The following SDK1 variants were observed in gnomAD, a reference collection of about 807,000 sequenced individuals.
SDK1 encodes sidekick cell adhesion molecule 1.
SDK1 carries 157 observed loss-of-function variants against 245.5 expected under a neutral mutation model. The ratio of observed to expected loss-of-function variants is 0.64; its 90% CI spans 0.56 to 0.73. SDK1 has a LOEUF of 0.73. Among genes scored for constraint, SDK1 ranks in the 30% least tolerant of loss-of-function variants. The pLI, the probability that SDK1 is intolerant of heterozygous loss-of-function variation, is 0.00. For missense variants in SDK1, 3,583 were observed against 3,002.3 expected, an observed-to-expected ratio of 1.19 and a Z score of -4.52; for synonymous variants, 1,647 against 1,278.5, an observed-to-expected ratio of 1.29 and a Z score of -6.15.
At chr7:3,481,248 GAC>G (rs1233819989) in intron 1 of SDK1, among the ~76,000 whole-genome samples, 1 of 152,172 alleles carries the variant, frequency 6.6e-6, no homozygotes, top group Non-Finnish European at 1.5e-5. Flanking sequence ...AGAAAACTAA[GAC>G]ACAGAGGGTT....
At chr7:3,914,961 T>C (rs1372405181) in intron 5 of SDK1, among the ~76,000 whole-genome samples, 1 of 152,202 alleles carries the variant, frequency 6.6e-6, no homozygotes, top group African/African-American at 2.4e-5. Flanking sequence ...TTGTTGATAG[T>C]ATGGATGCAG....
Position 3,683,875 on chromosome 7 carries a change from A to G in SDK1, c.713+41770A>G, listed in dbSNP as rs140515832. ...AAGAACAGTCCTGTTTCCTCCAGGC[A>G]TAGGGCTGGGCAAATTGTGGCCTAG... is the stretch of plus-strand genomic sequence containing the variant. On this transcript the variant is annotated intron_variant, in intron 4 of 44. Coordinates refer to ENST00000404826, the MANE Select transcript of SDK1 (RefSeq NM_152744.4). Among the ~76,000 whole-genome samples, 72 of 152,342 alleles carry G rather than the reference A, an allele frequency of 4.7e-4. 2 individuals carry two copies. In the East Asian group the frequency reaches 0.013, roughly 27 times the overall value.
chr7:4,202,899 G>T (rs1409181526), intron 35 of SDK1, among the ~76,000 whole-genome samples: 3 of 152,170 alleles, frequency 2.0e-5, no homozygotes, highest in African/African-American at 7.2e-5. Context: ...CTTGGGTCTG[G>T]TGGGACATGG....
In SDK1 at chr7:3,771,287, T is replaced by G. The variant is rs970170929; in HGVS notation, c.714-50163T>G. 3.3e-5 allele frequency among the ~76,000 whole-genome samples: 5 copies of G among 152,048 alleles called. No individual in the cohort carries two copies. In the East Asian group the frequency reaches 9.7e-4, roughly 30 times the overall value. On this transcript the variant is annotated intron_variant, in intron 4 of 44. Coordinates refer to ENST00000404826, the MANE Select transcript of SDK1 (RefSeq NM_152744.4). ...GCCCTCTTGGAATTGGAGCTTGGAGTTGGCAAGCCATCACCTCACTTGCGT... is the reference window on the plus strand; with the variant it reads ...GCCCTCTTGGAATTGGAGCTTGGAGGTGGCAAGCCATCACCTCACTTGCGT...
At chr7:3,916,144 G>C (rs903815833) in intron 5 of SDK1, among the ~76,000 whole-genome samples, 1 of 152,160 alleles carries the variant, frequency 6.6e-6, no homozygotes, top group African/African-American at 2.4e-5. Context: ...CAAGAGTAGC[G>C]GGGGGTGGGA....
At chr7:3,366,372 A>C (rs1423916189) in intron 1 of SDK1, among the ~76,000 whole-genome samples, 1 of 151,312 alleles carries the variant, frequency 6.6e-6, no homozygotes, top group East Asian at 1.9e-4. Flanking sequence ...TTATTTCACA[A>C]TATATTTTGG....
chr7:3,894,837 C>T (rs1431584697), intron 5 of SDK1, among the ~76,000 whole-genome samples: 4 of 151,636 alleles, frequency 2.6e-5, no homozygotes, highest in South Asian at 2.1e-4. Flanking sequence ...GCTGGTGGCA[C>T]GTGCCACCAT....
At chr7:3,800,777 C>A (rs900574337) in intron 4 of SDK1, among the ~76,000 whole-genome samples, 3 of 152,056 alleles carry the variant, frequency 2.0e-5, no homozygotes, top group African/African-American at 4.8e-5. Flanking sequence ...ACACCCAATC[C>A]CTGAATCAGA....
intron 4 of SDK1, among the ~76,000 whole-genome samples, chr7:3,783,213 C>T (rs188599583): frequency 1.3e-5 from 2 of 152,128 alleles, no homozygotes; most frequent in African/African-American, 2.4e-5. Flanking sequence ...AAGGAGTGGA[C>T]TTCAACACAA....
intron 31 of SDK1, 129 bp from the exon 32 acceptor site, chr7:4,161,657 A>G: frequency 1.4e-6 from 1 of 725,556 alleles, no homozygotes; most frequent in Non-Finnish European, 2.4e-6. Context: ...GGGCAGGAGA[A>G]GGGGACCCCT....
rs187041570 is a variant in SDK1 at position 3,555,489 on chromosome 7, A to C, written c.299-63591A>C. Among the ~76,000 whole-genome samples, 56 of 152,350 alleles carry C rather than the reference A, an allele frequency of 3.7e-4. 1 individual carries two copies. Among genetic ancestry groups the C allele is most frequent in the Admixed American group, 2.4e-3 (37 of 15,306 alleles). On this transcript the variant is annotated intron_variant, in intron 1 of 44. Coordinates refer to ENST00000404826, the MANE Select transcript of SDK1 (RefSeq NM_152744.4). ...AAACTAGTAAAAGAAAACATTGGGG[A>C]AACTCTCCAGGGCATTGGATGGGGT...
At chr7:4,143,765 C>T (rs78740944) in intron 28 of SDK1, among the ~76,000 whole-genome samples, 3,529 of 152,294 alleles carry the variant, frequency 0.023, 130 homozygotes, top group African/African-American at 0.079. Flanking sequence ...AGAGTAGGCA[C>T]CCATGGGGCT....
intron 29 of SDK1, among the ~76,000 whole-genome samples, chr7:4,147,970 C>T (rs545940399): frequency 2.2e-4 from 33 of 152,110 alleles, no homozygotes; most frequent in African/African-American, 6.0e-4. Flanking sequence ...CCCACAGCCC[C>T]GCCCCACAGT....
In SDK1 at chr7:3,619,110, C is replaced by T. The variant is rs764982428; in HGVS notation, c.329C>T (p.Pro110Leu). 3.7e-6 allele frequency: 6 copies of T among 1,610,242 alleles called. No individual in the cohort carries two copies. Among genetic ancestry groups the T allele is most frequent in the Non-Finnish European group, 5.1e-6 (6 of 1,177,212 alleles). Residue 110 changes from proline to leucine, a missense_variant, in exon 2 of 45, where the codon CCA becomes CTA. Pro to Leu is a moderately conservative substitution (Grantham distance 98). Transcript: ENST00000404826. ...DDVAPYFKTEPGLPQIHLEGN... is the reference protein window; with the variant it reads ...DDVAPYFKTELGLPQIHLEGN... ...GTTGCTCCATATTTTAAAACGGAGC[C>T]AGGCCTACCACAGATCCACCTGGAA... is the stretch of plus-strand genomic sequence containing the variant.
intron 1 of SDK1, among the ~76,000 whole-genome samples, chr7:3,408,584 G>A (rs1293135150): frequency 1.3e-5 from 2 of 152,086 alleles, no homozygotes; most frequent in Non-Finnish European, 2.9e-5. Flanking sequence ...TGTTATTCAA[G>A]GGGATTTTAG....
intron 1 of SDK1, among the ~76,000 whole-genome samples, chr7:3,570,085 C>G (rs1221517338): frequency 2.0e-5 from 3 of 152,206 alleles, no homozygotes; most frequent in Admixed American, 2.0e-4. Context: ...GCTCCTACTT[C>G]TCTGTGTCAC....
intron 1 of SDK1, among the ~76,000 whole-genome samples, chr7:3,439,367 G>A (rs573579127): frequency 1.3e-5 from 2 of 152,250 alleles, no homozygotes; most frequent in South Asian, 2.1e-4. Flanking sequence ...TGCAAGCTCC[G>A]GATGCAGCTG....
chr7:3,820,759 G>A (rs777517609), intron 4 of SDK1, among the ~76,000 whole-genome samples: 2 of 152,170 alleles, frequency 1.3e-5, no homozygotes, highest in African/African-American at 2.4e-5. Flanking sequence ...GCAGAGAAAG[G>A]GCAGGTGCAT....
At chr7:3,491,362 A>G (rs779021614) in intron 1 of SDK1, among the ~76,000 whole-genome samples, 3 of 152,226 alleles carry the variant, frequency 2.0e-5, no homozygotes, top group Non-Finnish European at 4.4e-5. Context: ...GAACCCAGGC[A>G]TCAGTATTTT....
Sources: allele counts gnomAD v4.1 joint callset (sites outside exome capture counted in the v4.1 genomes callset), GRCh38; gene constraint gnomAD v4.1.1; transcripts MANE v1.5; gene names NCBI Gene and HGNC (gene_info 2026-07-23, HGNC 2026-07-21).